Variants in CCDC149 observed in about 807,000 individuals in gnomAD.
CCDC149 encodes the protein coiled-coil domain containing 149, also known as coiled-coil domain-containing protein 149.
Under a neutral mutation model 59.9 loss-of-function variants are expected in CCDC149, and 45 were observed. That is an observed-to-expected ratio of 0.75 (90% confidence interval 0.59 to 0.96). The LOEUF (loss-of-function observed/expected upper bound fraction) is 0.96, where lower values mean the gene tolerates loss of function less well. Among genes scored for constraint, CCDC149 ranks in the 40% least tolerant of loss-of-function variants. The pLI is 0.00. For synonymous variants in CCDC149, 245 were observed against 260.6 expected, an observed-to-expected ratio of 0.94 and a Z score of 0.58; for missense variants, 584 against 664.7, an observed-to-expected ratio of 0.88 and a Z score of 1.33.
At chr4:24,904,552 G>T (rs139566656) in intron 1 of CCDC149, among the ~76,000 whole-genome samples, 23 of 152,334 alleles carry the variant, frequency 1.5e-4, no homozygotes, top group African/African-American at 5.5e-4. Flanking sequence ...TCCTACCTAG[G>T]AGAAGGATTG....
At chr4:24,905,096 T>G (rs928748005) in intron 1 of CCDC149, among the ~76,000 whole-genome samples, 1 of 151,980 alleles carries the variant, frequency 6.6e-6, no homozygotes, top group Admixed American at 6.6e-5. Context: ...GAGACAGGGT[T>G]TCACCATGTT....
At chr4:24,879,842 G>A (rs1423372447) in intron 1 of CCDC149, among the ~76,000 whole-genome samples, 1 of 152,202 alleles carries the variant, frequency 6.6e-6, no homozygotes, top group African/African-American at 2.4e-5. Context: ...CCATGGTCCA[G>A]ATGATTCTTA....
chr4:24,934,377 G>A (rs1006573403), intron 1 of CCDC149, among the ~76,000 whole-genome samples: 3 of 152,132 alleles, frequency 2.0e-5, no homozygotes, highest in Non-Finnish European at 4.4e-5. Flanking sequence ...CTCCTCCTTT[G>A]CTTTCCACCA....
In CCDC149 at chr4:24,896,060, A is replaced by G. The variant is rs1315274940; in HGVS notation, c.63+16757T>C. On this transcript the variant is annotated intron_variant, in intron 1 of 12. Transcript: ENST00000635206. Reference sequence around the variant, plus strand: ...CAGGGCGCCTGAATCCAGGGTTCCCAGCACAAACCTGGGGTCCAGAGGGAA... The same window carrying G: ...CAGGGCGCCTGAATCCAGGGTTCCCGGCACAAACCTGGGGTCCAGAGGGAA... Among the ~76,000 whole-genome samples the G allele has an allele frequency of 4.6e-5, 7 of 152,358 alleles. No homozygotes were observed. The East Asian group carries it at 1.4e-3, about 29-fold the overall frequency.
intron 3 of CCDC149, among the ~76,000 whole-genome samples, chr4:24,867,795 A>G (rs1008470110): frequency 6.6e-6 from 1 of 152,256 alleles, no homozygotes; most frequent in Non-Finnish European, 1.5e-5. Flanking sequence ...AGGGGCGATC[A>G]TTGCAATCTT....
chr4:24,875,186 C>T (rs6827844), intron 2 of CCDC149, among the ~76,000 whole-genome samples: 27,276 of 151,912 alleles, frequency 0.18, 2,572 homozygotes, highest in Admixed American at 0.26. Context: ...AAAAATTAGC[C>T]GAGCATGGTG....
chr4:24,934,303 A>C (rs529084058), intron 1 of CCDC149, among the ~76,000 whole-genome samples: 1 of 152,264 alleles, frequency 6.6e-6, no homozygotes, highest in African/African-American at 2.4e-5. Flanking sequence ...AGTTTTATAA[A>C]GGGTTTCCCC....
At chr4:24,873,863 A>T in intron 2 of CCDC149, 144 bp from the exon 3 acceptor site, 1 of 610,170 alleles carries the variant, frequency 1.6e-6, no homozygotes, top group South Asian at 2.1e-5. Flanking sequence ...AAGCAAGCTC[A>T]AATATACTTT....
At chr4:24,961,067 T>C (rs540538853) in intron 1 of CCDC149, among the ~76,000 whole-genome samples, 1 of 152,330 alleles carries the variant, frequency 6.6e-6, no homozygotes, top group East Asian at 1.9e-4. Flanking sequence ...TACACATTCT[T>C]CTCAAATGCA....
At chr4:24,874,275 GTTTTTTT>G (rs1689968677) in intron 2 of CCDC149, among the ~76,000 whole-genome samples, 2 of 33,844 alleles carry the variant, frequency 5.9e-5, no homozygotes, top group Non-Finnish European at 1.6e-4. Flanking sequence ...GTTTTTTTTT[GTTTTTTT>G]GCCTTAAAAG....
At chr4:24,882,198 A>G (rs578123868) in intron 1 of CCDC149, among the ~76,000 whole-genome samples, 2 of 152,214 alleles carry the variant, frequency 1.3e-5, no homozygotes, top group Non-Finnish European at 2.9e-5. Context: ...CTGAAGGAAG[A>G]TGGAAAAAAA....
intron 3 of CCDC149, among the ~76,000 whole-genome samples, chr4:24,857,061 T>C (rs1026415349): frequency 3.3e-5 from 5 of 152,200 alleles, no homozygotes; most frequent in East Asian, 1.9e-4. Context: ...GAAATGTCTG[T>C]AAGGGCAACA....
At chr4:24,878,856 G>GA (rs1464808845) in intron 1 of CCDC149, among the ~76,000 whole-genome samples, 5 of 152,182 alleles carry the variant, frequency 3.3e-5, no homozygotes, top group Non-Finnish European at 7.3e-5. Context: ...CCTTGACCTT[G>GA]AACAGCTCTC....
intron 1 of CCDC149, among the ~76,000 whole-genome samples, chr4:24,894,228 T>C (rs1278328499): frequency 1.3e-5 from 2 of 152,196 alleles, no homozygotes; most frequent in Non-Finnish European, 2.9e-5. Flanking sequence ...CATTAAAAAA[T>C]CTTCATGTGG....
intron 4 of CCDC149, among the ~76,000 whole-genome samples, chr4:24,851,403 C>T (rs1717646753): frequency 6.6e-6 from 1 of 152,210 alleles, no homozygotes; most frequent in South Asian, 2.1e-4. Flanking sequence ...GCTGGGACTA[C>T]AAGCGCGTGC....
chr4:24,875,960 CAAT>C (rs1483548440), intron 2 of CCDC149, among the ~76,000 whole-genome samples: 2 of 152,082 alleles, frequency 1.3e-5, no homozygotes, highest in African/African-American at 4.8e-5. Context: ...AAAATTTCAA[CAAT>C]AAATAATTTA....
At chr4:24,812,954 G>C (rs146991988) in intron 12 of CCDC149, among the ~76,000 whole-genome samples, 1 of 152,222 alleles carries the variant, frequency 6.6e-6, no homozygotes, top group Non-Finnish European at 1.5e-5. Context: ...GGTGAGAGTT[G>C]GGTGAGGACA....
intron 9 of CCDC149, chr4:24,822,934 AATATCAC>A: frequency 6.2e-6 from 1 of 161,756 alleles, no homozygotes; most frequent in Non-Finnish European, 1.3e-5. Context: ...TACCCTTAAT[AATATCAC>A]ATCTTGATTC....
chr4:24,958,070 AGGTTCATG>A (rs1209476308), intron 1 of CCDC149, among the ~76,000 whole-genome samples: 3 of 152,218 alleles, frequency 2.0e-5, no homozygotes, highest in Non-Finnish European at 4.4e-5. Flanking sequence ...TTTATGCAAT[AGGTTCATG>A]AATGAAGTAG....
Sources: gnomAD v4.1 joint callset for allele counts (sites outside exome capture counted in the v4.1 genomes callset) on GRCh38, gnomAD v4.1.1 for gene constraint, MANE v1.5 for transcripts, NCBI Gene and HGNC (gene_info 2026-07-23, HGNC 2026-07-21) for gene names.